Variants in DOCK1 observed in about 807,000 individuals in gnomAD.
DOCK1 encodes dedicator of cytokinesis 1, also known as dedicator of cytokinesis protein 1.
A neutral mutation model predicts 262.7 loss-of-function variants in DOCK1; 138 were observed. That is an observed-to-expected ratio of 0.53 (90% CI 0.46 to 0.61). The LOEUF is 0.61. Ranked by LOEUF, DOCK1 falls within the 20% of genes least tolerant of loss-of-function variation. The pLI is 0.00. For missense variants in DOCK1, 1,908 were observed against 2,370.7 expected (o/e 0.80, Z 4.05); for synonymous variants, 866 against 867.4 (o/e 1.00, Z 0.03).
intron 27 of DOCK1, among the ~76,000 whole-genome samples, chr10:127,140,989 G>A (rs981048714): frequency 3.9e-5 from 6 of 152,138 alleles, no homozygotes; most frequent in African/African-American, 7.2e-5. Flanking sequence ...CCTGCTGCCC[G>A]GCAGACCTGT....
At chr10:126,928,366 C>A (rs930352918) in intron 1 of DOCK1, among the ~76,000 whole-genome samples, 3 of 152,220 alleles carry the variant, frequency 2.0e-5, no homozygotes, top group African/African-American at 7.2e-5. Flanking sequence ...GTGGAGCCCG[C>A]AGCCTGACTC....
chr10:127,005,541 A>T (rs945330570), intron 10 of DOCK1, among the ~76,000 whole-genome samples: 7 of 152,158 alleles, frequency 4.6e-5, no homozygotes, highest in African/African-American at 1.7e-4. Context: ...TTAAGTCTAC[A>T]GTTCTTAGTC....
intron 50 of DOCK1, among the ~76,000 whole-genome samples, chr10:127,445,227 G>A (rs1359378398): frequency 6.6e-6 from 1 of 152,182 alleles, no homozygotes; most frequent in Admixed American, 6.5e-5. Flanking sequence ...GATGGGGACG[G>A]CAGCAGAACC....
chr10:127,398,887 C>T (rs1191766961), intron 38 of DOCK1, among the ~76,000 whole-genome samples: 1 of 152,196 alleles, frequency 6.6e-6, no homozygotes, highest in Non-Finnish European at 1.5e-5. Flanking sequence ...GTCAACATCA[C>T]CTCATGGGTA....
intron 27 of DOCK1, among the ~76,000 whole-genome samples, chr10:127,186,687 A>G (rs1283783049): frequency 2.0e-5 from 3 of 152,050 alleles, no homozygotes; most frequent in Non-Finnish European, 4.4e-5. Context: ...ACTGAGAACA[A>G]TGAATATAAA....
chr10:127,417,637 T>G (rs61870352), intron 44 of DOCK1, among the ~76,000 whole-genome samples: 14,327 of 152,202 alleles, frequency 0.094, 792 homozygotes, highest in South Asian at 0.16. Context: ...ATACAGTGGC[T>G]CAATCTCGGC....
At chr10:127,063,817 G>C (rs2045688087) in intron 23 of DOCK1, among the ~76,000 whole-genome samples, 1 of 152,122 alleles carries the variant, frequency 6.6e-6, no homozygotes, top group South Asian at 2.1e-4. Context: ...TAGTGACTAG[G>C]GACCGGGAAG....
chr10:127,439,083 T>C lies in DOCK1; in HGVS notation c.5117T>C (p.Leu1706Pro), dbSNP rs2069894395. Residue 1706 changes from leucine to proline, a missense_variant, in exon 49 of 52, where the codon CTG (leucine) becomes CCG (proline). Around this residue, in one of 9 missense-constraint regions of DOCK1, gnomAD observed 383 missense variants for 420.1 expected, o/e 0.91. Coordinates refer to ENST00000623213, the MANE Select transcript of DOCK1 (RefSeq NM_001290223.2). Reference sequence around the variant, plus strand: ...ATGCACTCCAGGTCCCAGGACAAGCTGGACAAGGATGACCTGGAGAAGGAG... The same window carrying C: ...ATGCACTCCAGGTCCCAGGACAAGCCGGACAAGGATGACCTGGAGAAGGAG... ...KKMHSRSQDKLDKDDLEKEKK... is the reference protein window; with the variant it reads ...KKMHSRSQDKPDKDDLEKEKK... 1 of 1,561,938 alleles carries C rather than the reference T, an allele frequency of 6.4e-7. No homozygotes were observed. The highest frequency in any genetic ancestry group is 1.4e-5 in the African/African-American group (1 of 73,626).
At chr10:127,157,544 C>T (rs1190695605) in intron 27 of DOCK1, among the ~76,000 whole-genome samples, 1 of 152,218 alleles carries the variant, frequency 6.6e-6, no homozygotes, top group African/African-American at 2.4e-5. Context: ...CTTTCTCTTG[C>T]TTCTTTTATT....
At position 127,012,105 on chromosome 10, in the gene DOCK1, G is replaced by C. The variant is rs2041499503; in HGVS notation, c.1059-127G>C. On this transcript the variant is annotated intron_variant, in intron 11 of 51. Coordinates refer to ENST00000623213, the MANE Select transcript of DOCK1 (RefSeq NM_001290223.2). The surrounding 1 kb of genome is among the most constrained non-coding windows in gnomAD (Gnocchi z 4.0). ...TGTCACCTCTCCCATCCTTTGTCGT[G>C]CGTTGACTCATGATGCCTCCCTCTC... The C allele has an allele frequency of 3.2e-6, 2 of 633,088 alleles. No individual in the cohort carries two copies. The highest frequency in any genetic ancestry group is 3.7e-5 in the African/African-American group (2 of 54,572). 39.2% of individuals were successfully genotyped at this position (633,088 alleles called of 1,614,324 possible). A position where few individuals can be genotyped will look rare whatever the true frequency, so the allele number is the denominator to read the frequency against.
intron 1 of DOCK1, among the ~76,000 whole-genome samples, chr10:126,917,807 G>C (rs1362052218): frequency 6.6e-6 from 1 of 152,152 alleles, no homozygotes; most frequent in Middle Eastern, 3.2e-3. Flanking sequence ...TGAGGACTAA[G>C]CGCACCCAGG....
chr10:127,172,552 G>A (rs2054673320), intron 27 of DOCK1, among the ~76,000 whole-genome samples: 1 of 151,912 alleles, frequency 6.6e-6, no homozygotes, highest in Non-Finnish European at 1.5e-5. Context: ...CCAAATTAAT[G>A]ACCCTGGGGC....
intron 27 of DOCK1, among the ~76,000 whole-genome samples, chr10:127,215,136 C>A (rs189790641): frequency 6.6e-6 from 1 of 152,256 alleles, no homozygotes; most frequent in East Asian, 1.9e-4. Context: ...TCGCTATCAG[C>A]CTTCTTTAGA....
Position 126,999,422 on chromosome 10 carries a change from G to T in DOCK1, c.836G>T (p.Arg279Leu). 6.2e-7 allele frequency: 1 copy of T among 1,613,084 alleles called. No individual in the cohort carries two copies. The highest frequency in any genetic ancestry group is 8.5e-7 in the Non-Finnish European group (1 of 1,179,536). The part of the protein sequence containing the change: ...PKDIDRLHNL[R>L]AVFTDLGSKD... The stretch of plus-strand genomic sequence containing the variant: ...GACATAGACAGATTACATAATTTGC[G>T]AGCCGTGTTTACTGTAAGTGCACCC... Residue 279 changes from arginine (R) to leucine (L), a missense_variant, in exon 9 of 52, where the codon CGA (arginine) becomes CTA (leucine). By Grantham distance (102) the Arg-to-Leu change is moderately radical (BLOSUM62 -2). This residue lies in a region of DOCK1 where 102 missense variants were observed against 154.9 expected (regional missense o/e 0.66). Coordinates refer to ENST00000623213, the MANE Select transcript of DOCK1 (RefSeq NM_001290223.2).
intron 34 of DOCK1, 70 bp downstream of exon 34, chr10:127,373,936 A>C: frequency 6.5e-7 from 1 of 1,544,626 alleles, no homozygotes; most frequent in Non-Finnish European, 8.8e-7. Context: ...ATTAGACTAC[A>C]ATGAACTTTG....
chr10:127,261,068 G>GGT lies in DOCK1; in HGVS notation c.3044+3648_3044+3649dup, dbSNP rs1045852494. On this transcript the variant is annotated intron_variant, in intron 29 of 51. Transcript: ENST00000623213. ...CCGTGCTCATGTGTGTGTGCATGTG[G>GGT]GTGTGTGTGTACCTGTGCTCATCTG... Among the ~76,000 whole-genome samples the GGT allele has an allele frequency of 2.2e-4, 23 of 105,318 alleles. 2 individuals carry two copies. Among genetic ancestry groups the GGT allele is most frequent in the African/African-American group, 8.6e-4 (22 of 25,562 alleles). The allele number at this position is 105,318 out of a possible 152,430, so 69.1% of individuals were successfully genotyped here.
intron 29 of DOCK1, among the ~76,000 whole-genome samples, chr10:127,323,411 G>C (rs1301228932): frequency 6.6e-6 from 1 of 152,120 alleles, no homozygotes; most frequent in South Asian, 2.1e-4. Context: ...AAGTGCTTGT[G>C]GTTCCTTTCA....
At chr10:127,320,983 T>C (rs995343267) in intron 29 of DOCK1, among the ~76,000 whole-genome samples, 12 of 152,132 alleles carry the variant, frequency 7.9e-5, no homozygotes, top group African/African-American at 2.9e-4. Flanking sequence ...TCCCCAGCCT[T>C]CACTCACTCT....
At chr10:127,293,546 G>A (rs1405563513) in intron 29 of DOCK1, among the ~76,000 whole-genome samples, 1 of 152,208 alleles carries the variant, frequency 6.6e-6, no homozygotes, top group African/African-American at 2.4e-5. Flanking sequence ...CCATTGAGGT[G>A]GATGGAGGTC....
Sources: allele counts gnomAD v4.1 joint callset (sites outside exome capture counted in the v4.1 genomes callset), GRCh38; gene constraint gnomAD v4.1.1; regional missense constraint gnomAD v4.1.1; non-coding constraint Gnocchi (gnomAD v3.1); transcripts MANE v1.5; gene names NCBI Gene and HGNC (gene_info 2026-07-23, HGNC 2026-07-21).